The following ZNF521 variants were observed in gnomAD, a reference collection of about 807,000 sequenced individuals.
The protein encoded by ZNF521 is zinc finger protein 521.
In ZNF521, 14 loss-of-function variants were observed where a neutral mutation model predicts 105.5. That is an observed-to-expected ratio of 0.13 (90% CI 0.09 to 0.21). ZNF521 has a LOEUF of 0.21. Ranked by LOEUF, ZNF521 falls within the 10% of genes least tolerant of loss-of-function variation. The pLI, the probability that ZNF521 is intolerant of heterozygous loss-of-function variation, is 1.00. For missense variants in ZNF521, 1,233 were observed against 1,629.7 expected (o/e 0.76, Z 4.19); for synonymous variants, 635 against 606.0 (o/e 1.05, Z -0.70).
At chr18:25,066,658 C>T (rs562485609) in intron 7 of ZNF521, among the ~76,000 whole-genome samples, 1 of 152,266 alleles carries the variant, frequency 6.6e-6, no homozygotes, top group East Asian at 1.9e-4. Flanking sequence ...GCAGAAGCGC[C>T]AAGCAAAGAG....
chr18:25,285,382 C>G (rs1215840990), intron 3 of ZNF521, among the ~76,000 whole-genome samples: 1 of 152,200 alleles, frequency 6.6e-6, no homozygotes, highest in East Asian at 1.9e-4. Flanking sequence ...CAAAGCATTT[C>G]CTAAGCCCTG....
At chr18:25,211,517 G>A (rs1054148251) in intron 4 of ZNF521, among the ~76,000 whole-genome samples, 3 of 152,012 alleles carry the variant, frequency 2.0e-5, no homozygotes, top group Admixed American at 2.0e-4. Context: ...CATGTTCACT[G>A]GACCTTCATG....
At chr18:25,264,608 T>A (rs911476595) in intron 3 of ZNF521, among the ~76,000 whole-genome samples, 1 of 152,226 alleles carries the variant, frequency 6.6e-6, no homozygotes, top group Non-Finnish European at 1.5e-5. Context: ...AAGAATTACA[T>A]TTTGTCAAGA....
intron 2 of ZNF521, 68 bp downstream of exon 2, chr18:25,350,839 C>T (rs1914717579): frequency 1.2e-5 from 18 of 1,521,180 alleles, no homozygotes; most frequent in Non-Finnish European, 1.5e-5. Context: ...GCCACGCAGC[C>T]CTCGCTCCGC....
chr18:25,224,691 G>C lies in ZNF521; in HGVS notation c.3227C>G (p.Ser1076Cys), dbSNP rs557481404. Residue 1076 changes from serine to cysteine, a missense_variant, in exon 4 of 8, where the codon TCC becomes TGC. Physicochemically the swap from Ser to Cys is moderately radical, Grantham distance 112. Around this residue, in one of 6 missense-constraint regions of ZNF521, gnomAD observed 614 missense variants for 751.5 expected, o/e 0.82. Transcript: ENST00000361524. ...KCASCLKEFR[S>C]KQDLVKLDIN... Reference sequence around the variant, plus strand: ...ATCAAGTTTCACCAGATCTTGCTTGGAACGGAATTCTTTGAGGCAAGATGC... The same window carrying C: ...ATCAAGTTTCACCAGATCTTGCTTGCAACGGAATTCTTTGAGGCAAGATGC... 3 of 1,614,078 alleles carry C rather than the reference G, an allele frequency of 1.9e-6. No homozygotes were observed. Among genetic ancestry groups the C allele is most frequent in the Admixed American group, 1.7e-5 (1 of 60,022 alleles).
chr18:25,127,812 CA>C (rs1171748674), intron 5 of ZNF521, among the ~76,000 whole-genome samples: 1 of 150,750 alleles, frequency 6.6e-6, no homozygotes, highest in Non-Finnish European at 1.5e-5. Flanking sequence ...TAACCCAATC[CA>C]AAACAGACTT....
intron 5 of ZNF521, among the ~76,000 whole-genome samples, chr18:25,126,631 C>A (rs561734539): frequency 6.6e-6 from 1 of 152,020 alleles, no homozygotes; most frequent in Non-Finnish European, 1.5e-5. Flanking sequence ...CCACATACAA[C>A]CATTCTAGAA....
At chr18:25,145,802 G>A (rs77946888) in intron 5 of ZNF521, among the ~76,000 whole-genome samples, 1,788 of 152,218 alleles carry the variant, frequency 0.012, 36 homozygotes, top group African/African-American at 0.039. Context: ...TTTTCCATAG[G>A]TTTGATTTCA....
At chr18:25,269,374 A>G (rs1909489538) in intron 3 of ZNF521, among the ~76,000 whole-genome samples, 1 of 152,224 alleles carries the variant, frequency 6.6e-6, no homozygotes, top group Non-Finnish European at 1.5e-5. Context: ...AATATTAGAC[A>G]GATCAACGCG....
intron 3 of ZNF521, among the ~76,000 whole-genome samples, chr18:25,234,722 C>T (rs770791464): frequency 1.8e-4 from 27 of 152,124 alleles, no homozygotes; most frequent in South Asian, 1.5e-3. Flanking sequence ...TAAATGATAA[C>T]TCATAAATGT....
intron 3 of ZNF521, among the ~76,000 whole-genome samples, chr18:25,286,598 A>T (rs1286162762): frequency 6.6e-6 from 1 of 152,250 alleles, no homozygotes; most frequent in East Asian, 1.9e-4. Context: ...AAGGTCATAC[A>T]ATAATCAGTC....
At chr18:25,286,463 T>C (rs967158811) in intron 3 of ZNF521, among the ~76,000 whole-genome samples, 46 of 152,178 alleles carry the variant, frequency 3.0e-4, no homozygotes, top group Non-Finnish European at 1.5e-5. Context: ...CAGCCCTACC[T>C]ACCACCATAC....
At chr18:25,104,529 C>T (rs1446828935) in intron 5 of ZNF521, among the ~76,000 whole-genome samples, 3 of 152,132 alleles carry the variant, frequency 2.0e-5, no homozygotes, top group Admixed American at 6.6e-5. Context: ...CATAAAAGTC[C>T]AGGACAGAAA....
At chr18:25,265,905 G>T (rs796210418) in intron 3 of ZNF521, among the ~76,000 whole-genome samples, 1 of 152,170 alleles carries the variant, frequency 6.6e-6, no homozygotes, top group African/African-American at 2.4e-5. Context: ...TGGAACTGGA[G>T]ATCATATGTT....
At position 25,164,713 on chromosome 18, in the gene ZNF521, A is replaced by T. The variant is rs185108461; in HGVS notation, c.3658+30447T>A. Among the ~76,000 whole-genome samples, 43 of 152,320 alleles carry T rather than the reference A, an allele frequency of 2.8e-4. No homozygotes were observed. The East Asian group carries it at 7.5e-3, about 27-fold the overall frequency. ...GAAAAAGGAAGGAAAAGGTGGTTAG[A>T]GTGCCAGGAGATCACACTGCTGCCC... On this transcript the variant is annotated intron_variant, in intron 5 of 7. Transcript: ENST00000361524.
At chr18:25,063,702 G>C (rs918801848) in intron 7 of ZNF521, among the ~76,000 whole-genome samples, 9 of 152,152 alleles carry the variant, frequency 5.9e-5, no homozygotes, top group Admixed American at 5.2e-4. Context: ...AGGCCTGGAT[G>C]ATGGTCACAG....
At chr18:25,108,320 C>A (rs747578620) in intron 5 of ZNF521, among the ~76,000 whole-genome samples, 1 of 151,938 alleles carries the variant, frequency 6.6e-6, no homozygotes, top group Non-Finnish European at 1.5e-5. Context: ...TTTATAGGTG[C>A]CAAATTAAAA....
At chr18:25,109,165 T>C (rs2034134253) in intron 5 of ZNF521, among the ~76,000 whole-genome samples, 1 of 152,054 alleles carries the variant, frequency 6.6e-6, no homozygotes, top group Admixed American at 6.6e-5. Context: ...TTTATGTCCA[T>C]GTGTATCCAT....
intron 3 of ZNF521, among the ~76,000 whole-genome samples, chr18:25,232,029 C>T (rs531009360): frequency 2.0e-5 from 3 of 152,306 alleles, no homozygotes; most frequent in East Asian, 1.9e-4. Flanking sequence ...AACTGCCCAT[C>T]GGGGACTCAG....
Sources: gnomAD v4.1 joint callset for allele counts (sites outside exome capture counted in the v4.1 genomes callset) on GRCh38, gnomAD v4.1.1 for gene constraint, gnomAD v4.1.1 regional missense constraint, MANE v1.5 for transcripts, NCBI Gene and HGNC (gene_info 2026-07-23, HGNC 2026-07-21) for gene names.